The following CDH1 variants were observed in gnomAD, a reference collection of about 807,000 sequenced individuals.
CDH1 encodes cadherin-1.
CDH1 carries 35 observed loss-of-function variants against 84.5 expected under a neutral mutation model. The ratio of observed to expected loss-of-function variants is 0.41; its 90% CI spans 0.32 to 0.55. The LOEUF (loss-of-function observed/expected upper bound fraction) is 0.55. Ranked by LOEUF, CDH1 falls within the 20% of genes least tolerant of loss-of-function variation. The probability of loss-of-function intolerance (pLI) is 0.19; values close to 1 mark genes in which losing one functional copy is unlikely to be tolerated. For synonymous variants in CDH1, 417 were observed against 439.0 expected, an observed-to-expected ratio of 0.95 and a Z score of 0.63; for missense variants, 994 against 1,126.6, an observed-to-expected ratio of 0.88 and a Z score of 1.68.
At chr16:68,803,054 C>T (rs1341716206) in intron 3 of CDH1, among the ~76,000 whole-genome samples, 1 of 152,096 alleles carries the variant, frequency 6.6e-6, no homozygotes, top group Non-Finnish European at 1.5e-5. Flanking sequence ...CAAGTGCTCC[C>T]GTGGTGCTTC....
chr16:68,831,069 C>CTTTTTTTT (rs1157074539), intron 15 of CDH1, among the ~76,000 whole-genome samples: 10 of 80,290 alleles, frequency 1.2e-4, no homozygotes, highest in Admixed American at 2.5e-4. Context: ...CTTTAGCTTT[C>CTTTTTTTT]TTTTTTTTTT....
At chr16:68,759,138 C>T (rs931562232) in intron 2 of CDH1, among the ~76,000 whole-genome samples, 1 of 152,150 alleles carries the variant, frequency 6.6e-6, no homozygotes, top group Non-Finnish European at 1.5e-5. Context: ...CAAGGTCTCA[C>T]TGTGTTGCCC....
intron 2 of CDH1, among the ~76,000 whole-genome samples, chr16:68,794,367 G>C (rs984506040): frequency 6.6e-6 from 1 of 152,050 alleles, no homozygotes; most frequent in Non-Finnish European, 1.5e-5. Flanking sequence ...GTAGCAAATG[G>C]ACACACAACA....
Position 68,811,781 on chromosome 16 carries a change from G to A in CDH1, c.930G>A (p.Glu310=), listed in dbSNP as rs2152132039. ...IAYTILSQDP[E]LPDKNMFTIN... ...ACACCATCCTCAGCCAAGATCCTGA[G>A]CTCCCTGACAAAAATATGTTCACCA... Residue 310 remains glutamate, a synonymous_variant, in exon 7 of 16, where the codon GAG becomes GAA. Coordinates refer to ENST00000261769, the MANE Select transcript of CDH1 (RefSeq NM_004360.5). 3.1e-6 allele frequency: 5 copies of A among 1,614,144 alleles called. No individual in the cohort carries two copies. Among genetic ancestry groups the A allele is most frequent in the Non-Finnish European group, 4.2e-6 (5 of 1,180,030 alleles).
chr16:68,809,206 G>T (rs1216689593), intron 5 of CDH1, among the ~76,000 whole-genome samples: 1 of 150,778 alleles, frequency 6.6e-6, no homozygotes, highest in African/African-American at 2.5e-5. Flanking sequence ...AGCAGCAAGA[G>T]CTTAGGAAAA....
intron 2 of CDH1, among the ~76,000 whole-genome samples, chr16:68,789,850 G>T (rs1023785158): frequency 6.6e-6 from 1 of 152,038 alleles, no homozygotes; most frequent in Non-Finnish European, 1.5e-5. Context: ...ACATGATGTT[G>T]GGAGTTCGAG....
chr16:68,755,760 A>AT (rs34523825), intron 2 of CDH1, among the ~76,000 whole-genome samples: 8,019 of 122,462 alleles, frequency 0.065, 618 homozygotes, highest in African/African-American at 0.16. Context: ...AGTTTTCTAA[A>AT]TTTTTTTTTT....
intron 2 of CDH1, among the ~76,000 whole-genome samples, chr16:68,766,144 A>G (rs1959375883): frequency 6.6e-6 from 1 of 152,142 alleles, no homozygotes; most frequent in African/African-American, 2.4e-5. Flanking sequence ...CTGTAGTCCC[A>G]GCTACTTGGG....
At chr16:68,752,037 C>T (rs564605510) in intron 2 of CDH1, among the ~76,000 whole-genome samples, 3 of 149,716 alleles carry the variant, frequency 2.0e-5, no homozygotes, top group South Asian at 4.3e-4. Context: ...CTGCAACCTC[C>T]GCCTCCCGGG....
At chr16:68,755,006 G>T (rs17772363) in intron 2 of CDH1, among the ~76,000 whole-genome samples, 36,323 of 151,910 alleles carry the variant, frequency 0.24, 4,655 homozygotes, top group Admixed American at 0.28. Flanking sequence ...ACTGGACTGT[G>T]TCAGCTGGGT....
intron 2 of CDH1, among the ~76,000 whole-genome samples, chr16:68,747,769 C>T (rs1344912362): frequency 1.5e-5 from 2 of 136,588 alleles, no homozygotes; most frequent in Admixed American, 7.4e-5. Flanking sequence ...TCTCTCTCCA[C>T]ACATATCTTC....
intron 2 of CDH1, among the ~76,000 whole-genome samples, chr16:68,760,304 G>A (rs578176669): frequency 5.0e-4 from 66 of 133,084 alleles, no homozygotes; most frequent in Middle Eastern, 8.8e-3. Flanking sequence ...TAGTAGAGAC[G>A]GGGTTTCACC....
intron 3 of CDH1, among the ~76,000 whole-genome samples, chr16:68,802,752 T>TG (rs1196782257): frequency 1.3e-5 from 2 of 152,076 alleles, no homozygotes; most frequent in Non-Finnish European, 2.9e-5. Context: ...ATTACAGGAG[T>TG]GAGCCACTGC....
chr16:68,789,297 G>A (rs1001645147), intron 2 of CDH1, among the ~76,000 whole-genome samples: 1 of 152,048 alleles, frequency 6.6e-6, no homozygotes, highest in Non-Finnish European at 1.5e-5. Context: ...TCCCCAAAGT[G>A]CTGGGATTAT....
rs1157499421 is a variant in CDH1 at position 68,835,394 on chromosome 16, T to C, written c.*1895T>C. 4.5e-6 allele frequency: 1 copy of C among 220,912 alleles called. No individual in the cohort carries two copies. The highest frequency in any genetic ancestry group is 9.1e-6 in the Non-Finnish European group (1 of 110,056). 13.7% of individuals were successfully genotyped at this position (220,912 alleles called of 1,614,324 possible). The stretch of plus-strand genomic sequence containing the variant: ...ATCGAATATAGTTCTGTGTAGAGAA[T>C]GTCACTGTAGTTTTGAGTGTATACA... On this transcript the variant is annotated 3_prime_UTR_variant, in exon 16 of 16. Transcript: ENST00000261769.
At position 68,737,380 on chromosome 16, in the gene CDH1, C is replaced by T. The variant is rs876661191; in HGVS notation, c.-36C>T. 6.6e-7 allele frequency: 1 copy of T among 1,526,458 alleles called. No homozygotes were observed. The highest frequency in any genetic ancestry group is 1.2e-5 in the South Asian group (1 of 83,242). 94.6% of individuals were successfully genotyped at this position (1,526,458 alleles called of 1,614,324 possible). A position where few individuals can be genotyped will look rare whatever the true frequency, so the allele number is the denominator to read the frequency against. Reference sequence around the variant, plus strand: ...CCAGCCCGGCCCGACCCGACCGCACCCGGCGCCTGCCCTCGCTCGGCGTCC... The same window carrying T: ...CCAGCCCGGCCCGACCCGACCGCACTCGGCGCCTGCCCTCGCTCGGCGTCC... On this transcript the variant is annotated 5_prime_UTR_variant, in exon 1 of 16. Coordinates refer to ENST00000261769, the MANE Select transcript of CDH1 (RefSeq NM_004360.5).
intron 10 of CDH1, among the ~76,000 whole-genome samples, chr16:68,817,549 C>T (rs1443908773): frequency 1.3e-5 from 2 of 152,134 alleles, no homozygotes; most frequent in East Asian, 1.9e-4. Context: ...AATCTGGTGG[C>T]CTTTCCCTTA....
intron 2 of CDH1, among the ~76,000 whole-genome samples, chr16:68,740,897 G>C (rs7203337): frequency 0.49 from 74,322 of 151,836 alleles, 19,332 homozygotes; most frequent in Non-Finnish European, 0.59. Context: ...ATCCGCAGTT[G>C]GTCTTTTCTC....
At chr16:68,762,733 A>G (rs1476170053) in intron 2 of CDH1, among the ~76,000 whole-genome samples, 1 of 151,964 alleles carries the variant, frequency 6.6e-6, no homozygotes, top group Non-Finnish European at 1.5e-5. Context: ...ACATGGCGAA[A>G]CCCAGTCTGT....
Sources: allele counts gnomAD v4.1 joint callset (sites outside exome capture counted in the v4.1 genomes callset), GRCh38; gene constraint gnomAD v4.1.1; transcripts MANE v1.5; gene names NCBI Gene and HGNC (gene_info 2026-07-23, HGNC 2026-07-21).